DACH2: variants seen among roughly 807,000 people sequenced by gnomAD.
DACH2 encodes dachshund homolog 2.
A neutral mutation model predicts 35.8 loss-of-function variants in DACH2; 17 were observed. The ratio of observed to expected loss-of-function variants is 0.48; its 90% CI spans 0.33 to 0.71. DACH2 has a LOEUF of 0.71. Among genes scored for constraint, DACH2 ranks in the 30% least tolerant of loss-of-function variants. The pLI, the probability that DACH2 is intolerant of heterozygous loss-of-function variation, is 0.02. For missense variants in DACH2, 469 were observed against 472.7 expected, an observed-to-expected ratio of 0.99 and a Z score of 0.07; for synonymous variants, 195 against 177.3, an observed-to-expected ratio of 1.10 and a Z score of -0.79.
chrX:86,374,223 C>G (rs1216114028), intron 1 of DACH2, among the ~76,000 whole-genome samples: 1 of 111,003 alleles, frequency 9.0e-6, no homozygotes, highest in African/African-American at 3.3e-5. Flanking sequence ...CAATCACTGT[C>G]GTTAACTTTG....
At chrX:86,516,198 T>A (rs1404429917) in intron 3 of DACH2, among the ~76,000 whole-genome samples, 2 of 111,980 alleles carry the variant, frequency 1.8e-5, no homozygotes, top group Non-Finnish European at 3.8e-5. Context: ...CATAACAACA[T>A]CTGAAATATA....
At chrX:86,673,323 G>A (rs1192772261) in intron 4 of DACH2, among the ~76,000 whole-genome samples, 9 of 75,258 alleles carry the variant, frequency 1.2e-4, no homozygotes, top group African/African-American at 1.1e-4. Context: ...GGGACAGAGC[G>A]AGACTCCGTC....
chrX:86,645,245 G>A (rs1333533523), intron 3 of DACH2, among the ~76,000 whole-genome samples: 1 of 111,057 alleles, frequency 9.0e-6, no homozygotes, highest in Admixed American at 9.6e-5. Flanking sequence ...TCTAAAAAGT[G>A]GGCAAAGGAC....
intron 1 of DACH2, among the ~76,000 whole-genome samples, chrX:86,183,476 T>C (rs1467273576): frequency 8.9e-6 from 1 of 112,234 alleles, no homozygotes; most frequent in Non-Finnish European, 1.9e-5. Flanking sequence ...ATGGATTACA[T>C]TTATTAATTT....
At chrX:86,324,688 C>T (rs1370593152) in intron 1 of DACH2, among the ~76,000 whole-genome samples, 1 of 96,960 alleles carries the variant, frequency 1.0e-5, no homozygotes, top group Admixed American at 1.2e-4. Flanking sequence ...ACACCATTCT[C>T]CTGCCTCAGC....
intron 2 of DACH2, among the ~76,000 whole-genome samples, chrX:86,475,795 A>G (rs1199841547): frequency 9.0e-6 from 1 of 111,699 alleles, no homozygotes; most frequent in Non-Finnish European, 1.9e-5. Flanking sequence ...CTCTTTTCCC[A>G]TTCAGTGTGA....
chrX:86,242,930 A>T (rs914880483), intron 1 of DACH2, among the ~76,000 whole-genome samples: 2 of 111,261 alleles, frequency 1.8e-5, no homozygotes, highest in Non-Finnish European at 3.8e-5. Context: ...CTGAGGCCTC[A>T]TAGCCATGCT....
At chrX:86,412,849 T>G (rs1448604204) in intron 2 of DACH2, among the ~76,000 whole-genome samples, 1 of 111,532 alleles carries the variant, frequency 9.0e-6, no homozygotes, top group Non-Finnish European at 1.9e-5. Context: ...AGCCTAGACC[T>G]GTTGCAGTGC....
intron 2 of DACH2, among the ~76,000 whole-genome samples, chrX:86,449,835 A>T (rs926672385): frequency 9.0e-6 from 1 of 111,640 alleles, no homozygotes; most frequent in Non-Finnish European, 1.9e-5. Flanking sequence ...TTTATACTGC[A>T]TATATTTTAA....
At chrX:86,734,955 T>G (rs980329979) in intron 6 of DACH2, among the ~76,000 whole-genome samples, 2 of 111,305 alleles carry the variant, frequency 1.8e-5, no homozygotes, top group African/African-American at 6.5e-5. Context: ...CAAAAGCCAC[T>G]CCTCAGTAGC....
intron 3 of DACH2, among the ~76,000 whole-genome samples, chrX:86,603,988 A>C (rs2039825211): frequency 9.0e-6 from 1 of 111,227 alleles, no homozygotes; most frequent in African/African-American, 3.3e-5. Flanking sequence ...AGTTTCCTTA[A>C]ATTACAATCA....
intron 5 of DACH2, among the ~76,000 whole-genome samples, chrX:86,698,483 ATTT>A (rs1226527840): frequency 2.3e-5 from 2 of 88,400 alleles, no homozygotes; most frequent in Admixed American, 2.6e-4. Context: ...AGATAAATTA[ATTT>A]TTTTAATTTC....
At position 86,758,581 on chromosome X, in the gene DACH2, T is replaced by C. The variant is rs139126131; in HGVS notation, c.1240+18699T>C. Among the ~76,000 whole-genome samples the C allele has an allele frequency of 4.0e-3, 449 of 112,210 alleles. 2 individuals carry two copies. Among genetic ancestry groups the C allele is most frequent in the African/African-American group, 0.014 (428 of 31,014 alleles). Reference sequence around the variant, plus strand: ...ATTTTCAGTTTTAATCCATTGTGGTTTGAGAAGATACTTTATATGATTTTG... The same window carrying C: ...ATTTTCAGTTTTAATCCATTGTGGTCTGAGAAGATACTTTATATGATTTTG... On this transcript the variant is annotated intron_variant, in intron 7 of 11. Transcript: ENST00000373125.
chrX:86,616,406 C>T (rs916878806), intron 3 of DACH2, among the ~76,000 whole-genome samples: 6 of 111,944 alleles, frequency 5.4e-5, no homozygotes, highest in African/African-American at 1.9e-4. Flanking sequence ...ATAAGCTTTC[C>T]CTTTTCTCCA....
At chrX:86,472,106 G>A (rs1229573384) in intron 2 of DACH2, among the ~76,000 whole-genome samples, 2 of 112,087 alleles carry the variant, frequency 1.8e-5, no homozygotes, top group African/African-American at 6.5e-5. Context: ...CTCTTCTTCA[G>A]AGGAATAAAT....
intron 3 of DACH2, among the ~76,000 whole-genome samples, chrX:86,552,269 G>A (rs182386032): frequency 7.4e-4 from 83 of 111,551 alleles, no homozygotes; most frequent in Non-Finnish European, 1.4e-3. Context: ...GGAGACAATT[G>A]TAATACTAAG....
chrX:86,403,407 T>C (rs779931972), intron 2 of DACH2, among the ~76,000 whole-genome samples: 12 of 111,622 alleles, frequency 1.1e-4, no homozygotes, highest in Admixed American at 7.6e-4. Context: ...AGTCATAAAA[T>C]TGGACAATGA....
intron 4 of DACH2, among the ~76,000 whole-genome samples, chrX:86,678,464 T>C (rs1237020323): frequency 1.8e-5 from 2 of 112,393 alleles, no homozygotes; most frequent in Non-Finnish European, 3.8e-5. Flanking sequence ...TTACAATTAC[T>C]ACAGTTTTCA....
chrX:86,333,574 C>T (rs954385821), intron 1 of DACH2, among the ~76,000 whole-genome samples: 5 of 111,187 alleles, frequency 4.5e-5, no homozygotes, highest in African/African-American at 1.6e-4. Context: ...CAAAAAGTGC[C>T]CTTGAAGACT....
Sources: allele counts gnomAD v4.1 joint callset (sites outside exome capture counted in the v4.1 genomes callset), GRCh38; gene constraint gnomAD v4.1.1; transcripts MANE v1.5; gene names NCBI Gene and HGNC (gene_info 2026-07-23, HGNC 2026-07-21).